WWC1: variants seen among roughly 807,000 people sequenced by gnomAD.
WWC1 encodes protein KIBRA.
A neutral mutation model predicts 138.4 loss-of-function variants in WWC1; 55 were observed. That is an observed-to-expected ratio of 0.40 (90% CI 0.32 to 0.50). WWC1 has a LOEUF of 0.50. Ranked by LOEUF, WWC1 falls within the 20% of genes least tolerant of loss-of-function variation. WWC1 has a pLI of 0.72. For synonymous variants in WWC1, 524 were observed against 564.9 expected (o/e 0.93, Z 1.03); for missense variants, 1,226 against 1,420.4 (o/e 0.86, Z 2.20).
intron 2 of WWC1, among the ~76,000 whole-genome samples, chr5:168,384,796 C>A (rs563537553): frequency 1.6e-4 from 23 of 146,124 alleles, no homozygotes; most frequent in Non-Finnish European, 3.4e-4. Context: ...CAGCTTGCTG[C>A]AACCTCCCCC....
intron 14 of WWC1, 23 bp from the exon 15 acceptor site, chr5:168,431,229 C>G: frequency 1.9e-6 from 3 of 1,590,114 alleles, no homozygotes; most frequent in Non-Finnish European, 2.6e-6. Context: ...CCCAAGATTT[C>G]CTGCGGTTCT....
At chr5:168,442,061 C>A (rs1351868109) in intron 16 of WWC1, among the ~76,000 whole-genome samples, 2 of 152,232 alleles carry the variant, frequency 1.3e-5, no homozygotes, top group Non-Finnish European at 2.9e-5. Flanking sequence ...CTGTCCTTTG[C>A]CCTACCTAAT....
intron 14 of WWC1, 101 bp downstream of exon 14, chr5:168,430,324 T>A: frequency 1.1e-6 from 1 of 919,564 alleles, no homozygotes; most frequent in Non-Finnish European, 1.7e-6. Context: ...ATGGGCCTTG[T>A]CAAGGCACTG....
chr5:168,468,758 G>A (rs570442889), intron 22 of WWC1, among the ~76,000 whole-genome samples, 193 bp from the exon 23 acceptor site: 2 of 152,312 alleles, frequency 1.3e-5, no homozygotes, highest in South Asian at 4.1e-4. Context: ...TTGGCAATGA[G>A]CTTACGTTTT....
At chr5:168,421,270 C>T (rs1201989805) in intron 9 of WWC1, among the ~76,000 whole-genome samples, 1 of 152,152 alleles carries the variant, frequency 6.6e-6, no homozygotes, top group African/African-American at 2.4e-5. Context: ...TGGTCATACG[C>T]CCTGCCCACC....
At chr5:168,398,003 T>C (rs569560685) in intron 4 of WWC1, among the ~76,000 whole-genome samples, 2 of 150,696 alleles carry the variant, frequency 1.3e-5, no homozygotes, top group Admixed American at 6.7e-5. Flanking sequence ...GCAGTCACCA[T>C]GTACCAGGCA....
At chr5:168,467,000 G>T (rs978520539) in intron 21 of WWC1, among the ~76,000 whole-genome samples, 1 of 152,160 alleles carries the variant, frequency 6.6e-6, no homozygotes, top group Non-Finnish European at 1.5e-5. Context: ...GGTGGCTCAC[G>T]CCTGTAATCC....
intron 1 of WWC1, among the ~76,000 whole-genome samples, chr5:168,301,400 C>T (rs1315905290): frequency 6.6e-6 from 1 of 152,144 alleles, no homozygotes; most frequent in African/African-American, 2.4e-5. Context: ...CTTTGGGAGG[C>T]CAAGGTGGGT....
rs749162519 is a variant in WWC1, at chr5:168,409,918, C to G, written c.868-4C>G. On this transcript the variant is annotated splice_region_variant and splice_polypyrimidine_tract_variant and intron_variant, in intron 7 of 22. Coordinates refer to ENST00000265293, the MANE Select transcript of WWC1 (RefSeq NM_015238.3). Reference sequence around the variant, plus strand: ...TAATTCCTGACTTTGTTCTTCTCCTCCAGTTCGGCATCAACAGCAACAATC... The same window carrying G: ...TAATTCCTGACTTTGTTCTTCTCCTGCAGTTCGGCATCAACAGCAACAATC... 9.3e-6 allele frequency: 15 copies of G among 1,613,816 alleles called. No homozygotes were observed. The South Asian group carries it at 1.6e-4, about 18-fold the overall frequency.
intron 3 of WWC1, among the ~76,000 whole-genome samples, chr5:168,387,505 G>A (rs1368113529): frequency 6.6e-6 from 1 of 152,080 alleles, no homozygotes; most frequent in Non-Finnish European, 1.5e-5. Context: ...TGTCTTAGTC[G>A]ACTCGAGCTG....
At chr5:168,313,258 G>A (rs923766564) in intron 1 of WWC1, among the ~76,000 whole-genome samples, 3 of 152,090 alleles carry the variant, frequency 2.0e-5, no homozygotes, top group Admixed American at 6.6e-5. Flanking sequence ...AGTGTGGGCC[G>A]TGGACCAGCA....
At chr5:168,296,826 C>G (rs1440587402) in intron 1 of WWC1, among the ~76,000 whole-genome samples, 4 of 152,216 alleles carry the variant, frequency 2.6e-5, no homozygotes, top group Admixed American at 6.5e-5. Context: ...TTTCTAACCA[C>G]TGCCTCATTT....
chr5:168,459,254 C>CAAA (rs34453947), intron 19 of WWC1, among the ~76,000 whole-genome samples: 7 of 94,806 alleles, frequency 7.4e-5, no homozygotes, highest in South Asian at 7.4e-4. Context: ...AACCCTGTCT[C>CAAA]AAAAAAAAAA....
At chr5:168,403,875 C>G (rs377248008) in intron 5 of WWC1, among the ~76,000 whole-genome samples, 6,359 of 125,950 alleles carry the variant, frequency 0.05, 194 homozygotes, top group South Asian at 0.085. Flanking sequence ...CATGCATACA[C>G]ACACACACAC....
intron 3 of WWC1, among the ~76,000 whole-genome samples, chr5:168,397,260 A>C (rs1234989257): frequency 6.6e-6 from 1 of 151,814 alleles, no homozygotes; most frequent in Admixed American, 6.6e-5. Flanking sequence ...CTCATGCCTC[A>C]GTCTCCTGAC....
At chr5:168,407,504 G>A (rs974975772) in intron 6 of WWC1, among the ~76,000 whole-genome samples, 1 of 152,184 alleles carries the variant, frequency 6.6e-6, no homozygotes, top group Non-Finnish European at 1.5e-5. Context: ...GAAGGAAGCT[G>A]TATGCTCTAT....
chr5:168,466,339 A>G (rs904399642), intron 21 of WWC1, among the ~76,000 whole-genome samples: 1 of 152,150 alleles, frequency 6.6e-6, no homozygotes, highest in East Asian at 1.9e-4. Context: ...AAATTTCATA[A>G]ATTTTTCATT....
intron 4 of WWC1, 151 bp from the exon 5 acceptor site, chr5:168,399,337 G>T: frequency 1.5e-6 from 1 of 679,990 alleles, no homozygotes; most frequent in Non-Finnish European, 2.5e-6. Flanking sequence ...GTGACAGGAG[G>T]GGGCTCTGAC....
chr5:168,377,557 C>G (rs1234354514), intron 2 of WWC1, among the ~76,000 whole-genome samples: 1 of 151,990 alleles, frequency 6.6e-6, no homozygotes, highest in Non-Finnish European at 1.5e-5. Flanking sequence ...TATCCAGAAT[C>G]TATAAGGAAC....
Sources: allele counts gnomAD v4.1 joint callset (sites outside exome capture counted in the v4.1 genomes callset), GRCh38; gene constraint gnomAD v4.1.1; transcripts MANE v1.5; gene names NCBI Gene and HGNC (gene_info 2026-07-23, HGNC 2026-07-21).